CDH3: variants seen among roughly 807,000 people sequenced by gnomAD.
CDH3 encodes the protein cadherin 3, also known as cadherin-3.
CDH3 carries 54 observed loss-of-function variants against 82.0 expected under a neutral mutation model. That is an observed-to-expected ratio of 0.66 (90% CI 0.53 to 0.83). The LOEUF is 0.83. Among genes scored for constraint, CDH3 ranks in the 40% least tolerant of loss-of-function variants. The pLI, the probability that CDH3 is intolerant of heterozygous loss-of-function variation, is 0.00. For missense variants in CDH3, 1,054 were observed against 1,084.6 expected, an observed-to-expected ratio of 0.97 and a Z score of 0.40; for synonymous variants, 446 against 437.9, an observed-to-expected ratio of 1.02 and a Z score of -0.23.
At chr16:68,656,543 G>A (rs964031189) in intron 2 of CDH3, among the ~76,000 whole-genome samples, 2 of 152,116 alleles carry the variant, frequency 1.3e-5, no homozygotes, top group Non-Finnish European at 2.9e-5. Context: ...AGCCCCATGA[G>A]GTGGGTGGAA....
At chr16:68,695,194 T>TG in intron 13 of CDH3, 61 bp from the exon 14 acceptor site, 1 of 1,595,288 alleles carries the variant, frequency 6.3e-7, no homozygotes, top group Non-Finnish European at 8.6e-7. Flanking sequence ...TCTGAGGGCC[T>TG]GGGGGTCTTG....
intron 2 of CDH3, among the ~76,000 whole-genome samples, chr16:68,674,640 C>G (rs1416045500): frequency 1.3e-5 from 2 of 152,046 alleles, no homozygotes; most frequent in East Asian, 3.9e-4. Flanking sequence ...GAGGCTGAGG[C>G]AGGAGAACCC....
intron 13 of CDH3, among the ~76,000 whole-genome samples, chr16:68,694,360 A>T (rs930024469): frequency 3.4e-5 from 5 of 147,606 alleles, no homozygotes; most frequent in African/African-American, 1.0e-4. Flanking sequence ...AATGGCTCAC[A>T]CCTGTAATCC....
At chr16:68,712,187 T>A (rs578226748) in intron 1 of CDH3, among the ~76,000 whole-genome samples, 1 of 151,788 alleles carries the variant, frequency 6.6e-6, no homozygotes, top group East Asian at 1.9e-4. Context: ...CAGGTGCATG[T>A]GACTATGCCT....
chr16:68,706,544 CTTTTTTTTT>C (rs34364461), intron 1 of CDH3, among the ~76,000 whole-genome samples: 23 of 81,628 alleles, frequency 2.8e-4, no homozygotes, highest in East Asian at 7.2e-4. Context: ...GTCACATTTC[CTTTTTTTTT>C]TTTTTTTTTT....
chr16:68,672,619 AG>A, intron 2 of CDH3, among the ~76,000 whole-genome samples: 1 of 152,312 alleles, frequency 6.6e-6, no homozygotes, highest in African/African-American at 2.4e-5. Context: ...AATCAGGCCC[AG>A]ATCTCCTTTC....
chr16:68,732,386 A>G (rs922884945), downstream of CDH3, among the ~76,000 whole-genome samples: 1 of 152,238 alleles, frequency 6.6e-6, no homozygotes, highest in Non-Finnish European at 1.5e-5. Context: ...GATGAAAGGG[A>G]CAAGACTGCC....
intron 2 of CDH3, among the ~76,000 whole-genome samples, chr16:68,723,594 C>T (rs1320868319): frequency 3.3e-5 from 5 of 152,176 alleles, no homozygotes; most frequent in Non-Finnish European, 7.3e-5. Context: ...TCATAAGACT[C>T]GTCAATTCCT....
intron 3 of CDH3, 60 bp from the exon 4 acceptor site, chr16:68,678,074 G>C: frequency 1.4e-6 from 2 of 1,476,368 alleles, no homozygotes; most frequent in Non-Finnish European, 1.9e-6. Flanking sequence ...ATAGGTGAGA[G>C]GATGTTGAGC....
Position 68,657,798 on chromosome 16 carries a change from C to T in CDH3, c.160+12048C>T, listed in dbSNP as rs535684651. On this transcript the variant is annotated intron_variant, in intron 2 of 15. Transcript: ENST00000264012. The stretch of plus-strand genomic sequence containing the variant: ...AGGCCCTCTTCTTCTCCTTCAATCT[C>T]AGTAGCCCCCCTTTTGTTGAAGACC... Among the ~76,000 whole-genome samples, 16 of 152,316 alleles carry T rather than the reference C, an allele frequency of 1.1e-4. No individual in the cohort carries two copies. In the South Asian group the frequency reaches 3.1e-3, roughly 30 times the overall value.
intron 2 of CDH3, among the ~76,000 whole-genome samples, chr16:68,653,080 A>G (rs1960295412): frequency 6.6e-6 from 1 of 152,130 alleles, no homozygotes; most frequent in African/African-American, 2.4e-5. Context: ...CTGAGATATC[A>G]GCTCCTCTCT....
chr16:68,667,664 T>C (rs1362618084), intron 2 of CDH3, among the ~76,000 whole-genome samples: 1 of 152,174 alleles, frequency 6.6e-6, no homozygotes, highest in Non-Finnish European at 1.5e-5. Flanking sequence ...CATCCATCAA[T>C]TCTTATAAGT....
intron 2 of CDH3, chr16:68,651,350 G>A: frequency 1.8e-6 from 1 of 554,058 alleles, no homozygotes; most frequent in East Asian, 4.8e-5. Flanking sequence ...ATGGTCGAGT[G>A]GTCCACGGGG....
chr16:68,731,445 C>T (rs56344547), downstream of CDH3, among the ~76,000 whole-genome samples: 1,117 of 10,136 alleles, frequency 0.11, 292 homozygotes, highest in Non-Finnish European at 0.17. Flanking sequence ...TATATATACA[C>T]ACACACGTAT....
intron 2 of CDH3, among the ~76,000 whole-genome samples, chr16:68,674,092 C>T (rs1020583449): frequency 1.3e-5 from 2 of 152,190 alleles, no homozygotes; most frequent in Non-Finnish European, 2.9e-5. Flanking sequence ...ACATTTAACA[C>T]GTTGAGGAAC....
At chr16:68,684,875 G>A (rs760096730) in intron 10 of CDH3, 51 bp downstream of exon 10, 1 of 1,611,544 alleles carries the variant, frequency 6.2e-7, no homozygotes, top group Non-Finnish European at 8.5e-7. Flanking sequence ...CAGTTGGTGG[G>A]TGGGTGATCA....
At chr16:68,680,041 C>A in intron 7 of CDH3, 67 bp downstream of exon 7, 1 of 1,470,336 alleles carries the variant, frequency 6.8e-7, no homozygotes, top group Non-Finnish European at 9.5e-7. Flanking sequence ...ACTCTGAGAG[C>A]AGAAGCTCCT....
At chr16:68,694,850 G>A (rs1439771895) in intron 13 of CDH3, among the ~76,000 whole-genome samples, 8 of 152,172 alleles carry the variant, frequency 5.3e-5, no homozygotes. Flanking sequence ...TAGACTGACA[G>A]CATTATGGGT....
At chr16:68,658,704 A>G (rs1295108765) in intron 2 of CDH3, among the ~76,000 whole-genome samples, 1 of 152,148 alleles carries the variant, frequency 6.6e-6, no homozygotes, top group Non-Finnish European at 1.5e-5. Flanking sequence ...CGCTTCATCC[A>G]GGCTTCCCAC....
Sources: allele counts gnomAD v4.1 joint callset (sites outside exome capture counted in the v4.1 genomes callset), GRCh38; gene constraint gnomAD v4.1.1; transcripts MANE v1.5; gene names NCBI Gene and HGNC (gene_info 2026-07-23, HGNC 2026-07-21).